ACBD3: variants seen among roughly 807,000 people sequenced by gnomAD.
The protein encoded by ACBD3 is Golgi resident protein GCP60.
In ACBD3, 30 loss-of-function variants were observed where a neutral mutation model predicts 66.9. The ratio of observed to expected loss-of-function variants is 0.45; its 90% confidence interval spans 0.34 to 0.61. ACBD3 has a LOEUF of 0.61. Among genes scored for constraint, ACBD3 ranks in the 20% least tolerant of loss-of-function variants. The pLI is 0.02. For missense variants in ACBD3, 544 were observed against 664.5 expected, an observed-to-expected ratio of 0.82 and a Z score of 1.99; for synonymous variants, 278 against 259.8, an observed-to-expected ratio of 1.07 and a Z score of -0.68.
At chr1:226,172,905 G>T (rs1319705904) in intron 1 of ACBD3, among the ~76,000 whole-genome samples, 1 of 152,164 alleles carries the variant, frequency 6.6e-6, no homozygotes, top group Non-Finnish European at 1.5e-5. Context: ...CCAATAGACT[G>T]TGAAAGCACC....
At chr1:226,167,807 C>A (rs923486786) in intron 1 of ACBD3, among the ~76,000 whole-genome samples, 1 of 151,952 alleles carries the variant, frequency 6.6e-6, no homozygotes, top group African/African-American at 2.4e-5. Context: ...ATAGAAGCTG[C>A]CAATAAACAT....
intron 1 of ACBD3, among the ~76,000 whole-genome samples, chr1:226,169,065 GT>G (rs933633431): frequency 3.3e-5 from 5 of 151,962 alleles, no homozygotes; most frequent in African/African-American, 1.2e-4. Context: ...GTTTCACCAT[GT>G]TAGCCAGGCT....
intron 4 of ACBD3, among the ~76,000 whole-genome samples, chr1:226,160,836 C>T (rs543103056): frequency 1.3e-5 from 2 of 152,328 alleles, no homozygotes; most frequent in Non-Finnish European, 2.9e-5. Flanking sequence ...AAATCTTGTA[C>T]TAAGGACTAT....
At chr1:226,169,964 C>A (rs1231676085) in intron 1 of ACBD3, among the ~76,000 whole-genome samples, 1 of 141,638 alleles carries the variant, frequency 7.1e-6, no homozygotes, top group African/African-American at 2.6e-5. Context: ...GAGGTTGCAG[C>A]GAGCCTAAAT....
At chr1:226,149,129 C>T (rs527575051) in intron 7 of ACBD3, among the ~76,000 whole-genome samples, 22 of 152,276 alleles carry the variant, frequency 1.4e-4, no homozygotes, top group Admixed American at 9.8e-4. Flanking sequence ...TCAGACTAGG[C>T]AGTAACCACC....
chr1:226,186,565 T>C lies in ACBD3; in HGVS notation c.111A>G (p.Pro37=). The C allele has an allele frequency of 7.3e-7, 1 of 1,360,908 alleles. No homozygotes were observed. Among genetic ancestry groups the C allele is most frequent in the Non-Finnish European group, 9.4e-7 (1 of 1,061,910 alleles). 84.3% of individuals were successfully genotyped at this position (1,360,908 alleles called of 1,614,324 possible). Residue 37 remains proline (P), a synonymous_variant, in exon 1 of 8, where the codon CCA becomes CCG. Coordinates refer to ENST00000366812, the MANE Select transcript of ACBD3 (RefSeq NM_022735.4). The part of the protein sequence containing the change: ...PGAEGAPLLP[P]PLPPPSPPGS... ...CAGGTGGCGAGGGCGGTGGCAGCGG[T>C]GGCGGCAGCAGCGGGGCGCCCTCCG...
chr1:226,176,053 C>G (rs552124277), intron 1 of ACBD3, among the ~76,000 whole-genome samples: 194 of 152,140 alleles, frequency 1.3e-3, no homozygotes, highest in African/African-American at 4.6e-3. Flanking sequence ...TCATAAGGGT[C>G]CTTATAAATG....
intron 7 of ACBD3, among the ~76,000 whole-genome samples, chr1:226,150,076 A>G (rs1659540097): frequency 7.2e-6 from 1 of 138,620 alleles, no homozygotes; most frequent in Non-Finnish European, 1.5e-5. Context: ...TTTTTTTTAG[A>G]GGGAGGGCCT....
At chr1:226,175,116 GAAAAAGA>G (rs1656001446) in intron 1 of ACBD3, among the ~76,000 whole-genome samples, 1 of 139,476 alleles carries the variant, frequency 7.2e-6, no homozygotes, top group Non-Finnish European at 1.6e-5. Context: ...AAAAAAGAAA[GAAAAAGA>G]AAAAAGAAAG....
At chr1:226,169,456 A>G (rs1489793680) in intron 1 of ACBD3, among the ~76,000 whole-genome samples, 1 of 150,778 alleles carries the variant, frequency 6.6e-6, no homozygotes, top group Non-Finnish European at 1.5e-5. Flanking sequence ...TCACTGTGTT[A>G]GCCAGGATGG....
Position 226,184,449 on chromosome 1 carries a change from C to T in ACBD3, c.286+1941G>A, listed in dbSNP as rs1411496422. On this transcript the variant is annotated intron_variant, in intron 1 of 7. Coordinates refer to ENST00000366812, the MANE Select transcript of ACBD3 (RefSeq NM_022735.4). ...AGTGTAGCTTTATTCTCTAAGGTGACTAACACCTAGGCCCCAAGTTATAAG... is the reference window on the plus strand; with the variant it reads ...AGTGTAGCTTTATTCTCTAAGGTGATTAACACCTAGGCCCCAAGTTATAAG... Among the ~76,000 whole-genome samples the T allele has an allele frequency of 3.3e-5, 5 of 152,256 alleles. No homozygotes were observed. In the South Asian group the frequency reaches 1.0e-3, roughly 32 times the overall value.
intron 1 of ACBD3, among the ~76,000 whole-genome samples, chr1:226,183,738 C>G (rs9660696): frequency 0.5 from 75,258 of 151,790 alleles, 19,218 homozygotes; most frequent in African/African-American, 0.62. Flanking sequence ...TACAAAAGTA[C>G]CTGGGCGTGG....
In ACBD3 at chr1:226,154,674, C is replaced by T; in HGVS notation, c.1063G>A (p.Glu355Lys). The change falls in exon 6 of 8, where the codon GAA becomes AAA. Residue 355 changes from glutamate (E) to lysine (K), a missense_variant. Coordinates refer to ENST00000366812, the MANE Select transcript of ACBD3 (RefSeq NM_022735.4). ...TTTGGTCCATTCTCCAGGGCTTCTTCTGCAGCTTCTGGTTCCAGTTCTTTT... is the reference window on the plus strand; with the variant it reads ...TTTGGTCCATTCTCCAGGGCTTCTTTTGCAGCTTCTGGTTCCAGTTCTTTT... ...SEKELEPEAA[E>K]EALENGPKES... 6.2e-7 allele frequency: 1 copy of T among 1,613,270 alleles called. No individual in the cohort carries two copies. Among genetic ancestry groups the T allele is most frequent in the South Asian group, 1.1e-5 (1 of 90,948 alleles).
intron 1 of ACBD3, among the ~76,000 whole-genome samples, chr1:226,173,182 G>C (rs1433291750): frequency 6.6e-6 from 1 of 151,986 alleles, no homozygotes; most frequent in African/African-American, 2.4e-5. Flanking sequence ...CAAGATGAGA[G>C]GATCCCTTGA....
chr1:226,178,748 T>C (rs1469578117), intron 1 of ACBD3, among the ~76,000 whole-genome samples: 1 of 152,114 alleles, frequency 6.6e-6, no homozygotes, highest in African/African-American at 2.4e-5. Flanking sequence ...GTGGAAAGGA[T>C]GTTAAAGATA....
intron 7 of ACBD3, among the ~76,000 whole-genome samples, chr1:226,150,291 T>G (rs1659545797): frequency 6.6e-6 from 1 of 152,170 alleles, no homozygotes; most frequent in Non-Finnish European, 1.5e-5. Flanking sequence ...CAGACTGGTC[T>G]TAAACTTCTG....
chr1:226,185,620 T>TAA (rs35485594), intron 1 of ACBD3, among the ~76,000 whole-genome samples: 2 of 141,598 alleles, frequency 1.4e-5, no homozygotes, highest in Non-Finnish European at 1.5e-5. Context: ...ATCACCCAAT[T>TAA]AAAAAAAAAA....
At chr1:226,172,829 C>T (rs899755581) in intron 1 of ACBD3, among the ~76,000 whole-genome samples, 16 of 152,064 alleles carry the variant, frequency 1.1e-4, no homozygotes, top group Non-Finnish European at 2.1e-4. Context: ...CTGGGTGCGG[C>T]GGCATGCGCC....
intron 1 of ACBD3, among the ~76,000 whole-genome samples, chr1:226,177,174 T>G (rs977208708): frequency 2.6e-5 from 4 of 151,706 alleles, no homozygotes; most frequent in Non-Finnish European, 5.9e-5. Context: ...GTTTTTTTTT[T>G]TTTTTTTTTT....
Sources: allele counts gnomAD v4.1 joint callset (sites outside exome capture counted in the v4.1 genomes callset), GRCh38; gene constraint gnomAD v4.1.1; transcripts MANE v1.5; gene names NCBI Gene and HGNC (gene_info 2026-07-23, HGNC 2026-07-21).